The following RAB4A variants were observed in gnomAD, a reference collection of about 807,000 sequenced individuals.
The protein encoded by RAB4A is RAB4A, member RAS oncogene family.
A neutral mutation model predicts 34.5 loss-of-function variants in RAB4A; 20 were observed. That is an observed-to-expected ratio of 0.58 (90% CI 0.41 to 0.84). The LOEUF (loss-of-function observed/expected upper bound fraction) is 0.84, where lower values mean the gene tolerates loss of function less well. Among genes scored for constraint, RAB4A ranks in the 40% least tolerant of loss-of-function variants. The pLI, the probability that RAB4A is intolerant of heterozygous loss-of-function variation, is 0.00. For synonymous variants in RAB4A, 102 were observed against 100.0 expected (o/e 1.02, Z -0.12); for missense variants, 228 against 274.5 (o/e 0.83, Z 1.20).
chr1:229,299,445 T>C (rs1222491808), intron 6 of RAB4A, among the ~76,000 whole-genome samples: 1 of 152,168 alleles, frequency 6.6e-6, no homozygotes, highest in Non-Finnish European at 1.5e-5. Context: ...CCAGTGGTCA[T>C]GTGTAAGGGA....
At chr1:229,287,895 G>A (rs913085885) in intron 2 of RAB4A, among the ~76,000 whole-genome samples, 9 of 152,224 alleles carry the variant, frequency 5.9e-5, no homozygotes, top group Non-Finnish European at 1.3e-4. Flanking sequence ...CCAATGGACT[G>A]TATAGCTGCG....
intron 3 of RAB4A, among the ~76,000 whole-genome samples, chr1:229,295,224 TTA>T (rs1657208837): frequency 1.3e-5 from 2 of 152,164 alleles, no homozygotes; most frequent in South Asian, 4.2e-4. Flanking sequence ...AGTGCTGGGA[TTA>T]TAGGTGTCCG....
intron 6 of RAB4A, among the ~76,000 whole-genome samples, chr1:229,299,404 A>C (rs980883258): frequency 6.6e-6 from 1 of 152,096 alleles, no homozygotes. Flanking sequence ...GCCTTTGTCC[A>C]CTCTGTCAAC....
In RAB4A at chr1:229,301,780, G is replaced by C. The variant is rs530439924; in HGVS notation, c.542-1082G>C. Reference sequence around the variant, plus strand: ...TTTATATAAAATGTATCATATGATAGACTACCACGCCTTGCTTTTTTACTT... The same window carrying C: ...TTTATATAAAATGTATCATATGATACACTACCACGCCTTGCTTTTTTACTT... On this transcript the variant is annotated intron_variant, in intron 6 of 7. Transcript: ENST00000366690. Among the ~76,000 whole-genome samples the C allele has an allele frequency of 2.6e-5, 4 of 151,910 alleles. No homozygotes were observed. In the South Asian group the frequency reaches 8.3e-4, roughly 32 times the overall value.
intron 6 of RAB4A, among the ~76,000 whole-genome samples, chr1:229,301,771 CAT>C (rs1657391300): frequency 6.6e-6 from 1 of 151,940 alleles, no homozygotes; most frequent in South Asian, 2.1e-4. Flanking sequence ...TAAAATGTAT[CAT>C]ATGATAGACT....
chr1:229,279,462 A>C (rs1171195620), intron 1 of RAB4A, among the ~76,000 whole-genome samples: 1 of 152,214 alleles, frequency 6.6e-6, no homozygotes, highest in Non-Finnish European at 1.5e-5. Context: ...ACTTTAGTAT[A>C]TACCTTTGAT....
chr1:229,288,190 CTTTGT>C (rs1057177106), intron 2 of RAB4A, among the ~76,000 whole-genome samples: 22 of 151,826 alleles, frequency 1.4e-4, no homozygotes, highest in African/African-American at 5.3e-4. Flanking sequence ...TTGGAGGGTG[CTTTGT>C]TTTGGGGTTT....
chr1:229,303,611 C>T (rs1013324882), intron 7 of RAB4A, among the ~76,000 whole-genome samples, 195 bp from the exon 8 acceptor site: 5 of 152,118 alleles, frequency 3.3e-5, no homozygotes, highest in Admixed American at 1.3e-4. Context: ...CAAATGTCTC[C>T]CTTTAACTTT....
At chr1:229,292,778 G>C (rs1052445206) in intron 3 of RAB4A, among the ~76,000 whole-genome samples, 1 of 152,108 alleles carries the variant, frequency 6.6e-6, no homozygotes, top group Non-Finnish European at 1.5e-5. Context: ...TCATTCCTCT[G>C]GTGTCTTTTT....
At chr1:229,294,921 C>T (rs747281636) in intron 3 of RAB4A, among the ~76,000 whole-genome samples, 1 of 151,112 alleles carries the variant, frequency 6.6e-6, no homozygotes, top group Non-Finnish European at 1.5e-5. Flanking sequence ...TTAAGATGGG[C>T]GGTACCAGAG....
chr1:229,290,940 C>T (rs1026299552), intron 3 of RAB4A, among the ~76,000 whole-genome samples: 1 of 152,016 alleles, frequency 6.6e-6, no homozygotes, highest in African/African-American at 2.4e-5. Flanking sequence ...TTAATTGGCC[C>T]ACCTAAAATC....
chr1:229,271,199 G>T lies in RAB4A; in HGVS notation c.-141G>T, dbSNP rs1262857113. 2 of 828,678 alleles carry T rather than the reference G, an allele frequency of 2.4e-6. No homozygotes were observed. The highest frequency in any genetic ancestry group is 3.2e-6 in the Non-Finnish European group (2 of 624,106). The allele number at this position is 828,678 out of a possible 1,614,324, so 51.3% of individuals were successfully genotyped here. On this transcript the variant is annotated 5_prime_UTR_variant, in exon 1 of 8. Coordinates refer to ENST00000366690, the MANE Select transcript of RAB4A (RefSeq NM_004578.4). ...AGTCCGGCTGGGCCGCAGCCGCTGG[G>T]AGACCGGCGGTTGCCGTGGGGACCG...
intron 1 of RAB4A, among the ~76,000 whole-genome samples, chr1:229,276,465 A>G (rs944601192): frequency 2.6e-5 from 4 of 151,416 alleles, no homozygotes; most frequent in African/African-American, 9.8e-5. Context: ...TAACATCTAT[A>G]TTTCTAGTCA....
In RAB4A at chr1:229,286,487, T is replaced by C. The variant is rs1197368412; in HGVS notation, c.33T>C (p.Asp11=). MSQTAMSETY[D]FLFKFLVIGN... Reference sequence around the variant, plus strand: ...TCACAGTCTCTTTTTATCTTTCAGATTTTTTGTTTAAGTTCTTGGTTATTG... The same window carrying C: ...TCACAGTCTCTTTTTATCTTTCAGACTTTTTGTTTAAGTTCTTGGTTATTG... Residue 11 remains aspartate, a splice_region_variant and synonymous_variant, in exon 2 of 8, where the codon GAT becomes GAC. Transcript: ENST00000366690. The C allele has an allele frequency of 2.6e-6, 4 of 1,561,450 alleles. No individual in the cohort carries two copies. The East Asian group carries it at 9.1e-5, about 36-fold the overall frequency.
intron 4 of RAB4A, among the ~76,000 whole-genome samples, chr1:229,297,182 T>G (rs1255522564): frequency 1.3e-5 from 2 of 152,278 alleles, no homozygotes; most frequent in Non-Finnish European, 2.9e-5. Context: ...TTGCGCATGC[T>G]AAGAGCTCAA....
intron 6 of RAB4A, among the ~76,000 whole-genome samples, chr1:229,301,951 A>G (rs541168625): frequency 6.6e-6 from 1 of 151,924 alleles, no homozygotes; most frequent in Non-Finnish European, 1.5e-5. Context: ...CTAATCCAAA[A>G]TGTTCCAAAA....
At chr1:229,292,860 C>T (rs1169158209) in intron 3 of RAB4A, among the ~76,000 whole-genome samples, 3 of 151,910 alleles carry the variant, frequency 2.0e-5, no homozygotes, top group Non-Finnish European at 4.4e-5. Context: ...AGCTGGGTGT[C>T]CAACACTTCA....
intron 3 of RAB4A, among the ~76,000 whole-genome samples, chr1:229,291,508 G>A (rs990630726): frequency 1.1e-4 from 16 of 152,196 alleles, no homozygotes; most frequent in African/African-American, 3.6e-4. Flanking sequence ...CTGTCAGAGC[G>A]GGGAAGAAAC....
intron 1 of RAB4A, 44 bp downstream of exon 1, chr1:229,271,414 G>A (rs1656469828): frequency 8.3e-7 from 1 of 1,201,814 alleles, no homozygotes; most frequent in Non-Finnish European, 1.0e-6. Flanking sequence ...GGGCCGCGGG[G>A]GGCGTCGGTG....
Sources: gnomAD v4.1 joint callset for allele counts (sites outside exome capture counted in the v4.1 genomes callset) on GRCh38, gnomAD v4.1.1 for gene constraint, MANE v1.5 for transcripts, NCBI Gene and HGNC (gene_info 2026-07-23, HGNC 2026-07-21) for gene names.